Variants in FHIT observed in about 807,000 individuals in gnomAD.
FHIT encodes bis(5'-adenosyl)-triphosphatase.
In FHIT, 19 loss-of-function variants were observed where a neutral mutation model predicts 17.9. That is an observed-to-expected ratio of 1.06 (90% confidence interval 0.74 to 1.56). FHIT has a LOEUF of 1.56. Among genes scored for constraint, FHIT ranks in the 40% most tolerant of loss-of-function variants. FHIT has a pLI of 0.00. For synonymous variants in FHIT, 81 were observed against 69.7 expected (o/e 1.16, Z -0.81); for missense variants, 248 against 189.2 (o/e 1.31, Z -1.82).
chr3:60,907,263 T>A (rs1169618937), intron 3 of FHIT, among the ~76,000 whole-genome samples: 1 of 152,166 alleles, frequency 6.6e-6, no homozygotes, highest in Non-Finnish European at 1.5e-5. Context: ...GCAGGCAACA[T>A]TACCTAGATA....
intron 3 of FHIT, among the ~76,000 whole-genome samples, chr3:60,979,883 A>C (rs1288662185): frequency 6.6e-6 from 1 of 152,178 alleles, no homozygotes; most frequent in Non-Finnish European, 1.5e-5. Context: ...TTGTCAGCTC[A>C]TCTGTCTTAT....
intron 5 of FHIT, among the ~76,000 whole-genome samples, chr3:60,399,466 G>T (rs1388643954): frequency 1.3e-5 from 2 of 152,102 alleles, no homozygotes; most frequent in African/African-American, 4.8e-5. Context: ...GAAGCGGACT[G>T]CAATCTGATC....
chr3:60,016,721 T>G (rs1163996999), intron 5 of FHIT, among the ~76,000 whole-genome samples: 1 of 152,108 alleles, frequency 6.6e-6, no homozygotes, highest in African/African-American at 2.4e-5. Context: ...TAGATAAACT[T>G]TTCCATCTCA....
At chr3:60,715,162 C>T (rs1414954461) in intron 4 of FHIT, among the ~76,000 whole-genome samples, 1 of 151,974 alleles carries the variant, frequency 6.6e-6, no homozygotes, top group East Asian at 1.9e-4. Flanking sequence ...TTTGACAAAC[C>T]TGACAAAAAC....
intron 5 of FHIT, among the ~76,000 whole-genome samples, chr3:60,191,164 C>T (rs1413428792): frequency 6.6e-6 from 1 of 152,044 alleles, no homozygotes; most frequent in African/African-American, 2.4e-5. Context: ...CAGCAATGAT[C>T]AAGAAAACAG....
At chr3:61,149,644 C>T (rs1332183419) in intron 2 of FHIT, among the ~76,000 whole-genome samples, 3 of 152,034 alleles carry the variant, frequency 2.0e-5, no homozygotes, top group African/African-American at 7.2e-5. Context: ...TTGGGAGGCA[C>T]AGATGGGAGG....
At chr3:61,126,349 G>A (rs2036607431) in intron 2 of FHIT, among the ~76,000 whole-genome samples, 1 of 152,122 alleles carries the variant, frequency 6.6e-6, no homozygotes, top group African/African-American at 2.4e-5. Flanking sequence ...ATAAATAAAT[G>A]CCTGACACTG....
At position 61,206,924 on chromosome 3, in the gene FHIT, T is replaced by G. The variant is rs1180390306; in HGVS notation, c.-212-6259A>C. Among the ~76,000 whole-genome samples the G allele has an allele frequency of 2.6e-5, 4 of 152,326 alleles. No individual in the cohort carries two copies. In the East Asian group the frequency reaches 7.7e-4, roughly 29 times the overall value. ...TTTTCAAAGGGAATGCCTCTAGTTT[T>G]TGTCCATTCAGTATGATATTGGCTG... On this transcript the variant is annotated intron_variant, in intron 1 of 9. Transcript: ENST00000492590.
At chr3:61,172,890 T>A (rs1248082830) in intron 2 of FHIT, among the ~76,000 whole-genome samples, 1 of 152,158 alleles carries the variant, frequency 6.6e-6, no homozygotes, top group East Asian at 1.9e-4. Context: ...TTTTCCTTAG[T>A]CAGGGGTCAG....
At chr3:60,947,145 A>G (rs1553775936) in intron 3 of FHIT, among the ~76,000 whole-genome samples, 2 of 152,178 alleles carry the variant, frequency 1.3e-5, no homozygotes, top group African/African-American at 4.8e-5. Flanking sequence ...TGTAGCAGGA[A>G]GAGGTGAGGA....
intron 8 of FHIT, among the ~76,000 whole-genome samples, chr3:59,797,355 T>A (rs1261738001): frequency 6.6e-6 from 1 of 152,040 alleles, no homozygotes; most frequent in Non-Finnish European, 1.5e-5. Flanking sequence ...CCTGGCTAAT[T>A]TTTGTATTTT....
At chr3:59,771,152 A>G (rs1645974807) in intron 8 of FHIT, among the ~76,000 whole-genome samples, 1 of 152,202 alleles carries the variant, frequency 6.6e-6, no homozygotes, top group African/African-American at 2.4e-5. Context: ...TAATGGACCA[A>G]AAATACCACT....
chr3:60,116,333 G>A (rs1022445), intron 5 of FHIT, among the ~76,000 whole-genome samples: 13,632 of 152,158 alleles, frequency 0.09, 1,276 homozygotes, highest in East Asian at 0.43. Context: ...ATATGAAAAA[G>A]CTGGAGCCCC....
chr3:61,226,089 T>C (rs527960692), intron 1 of FHIT, among the ~76,000 whole-genome samples: 1 of 152,352 alleles, frequency 6.6e-6, no homozygotes, highest in Non-Finnish European at 1.5e-5. Flanking sequence ...TGATCTGGAA[T>C]ACTAAAACAG....
chr3:60,578,611 C>T (rs1553658514), intron 4 of FHIT, among the ~76,000 whole-genome samples: 1 of 152,048 alleles, frequency 6.6e-6, no homozygotes, highest in African/African-American at 2.4e-5. Context: ...TCATATGTGG[C>T]ACAAGGTTTT....
At chr3:60,644,776 G>T (rs531416075) in intron 4 of FHIT, among the ~76,000 whole-genome samples, 1 of 152,270 alleles carries the variant, frequency 6.6e-6, no homozygotes, top group East Asian at 1.9e-4. Flanking sequence ...CTTTTGTATG[G>T]AATCTTTCCC....
chr3:60,354,185 TAA>T (rs1699546694), intron 5 of FHIT, among the ~76,000 whole-genome samples: 1 of 151,946 alleles, frequency 6.6e-6, no homozygotes, highest in African/African-American at 2.4e-5. Flanking sequence ...CAAAATTGTT[TAA>T]AATACAATTA....
chr3:61,182,170 A>G (rs958165256), intron 2 of FHIT, among the ~76,000 whole-genome samples: 3 of 152,242 alleles, frequency 2.0e-5, no homozygotes, highest in Non-Finnish European at 4.4e-5. Context: ...GCAGGTGGCC[A>G]TCTCTGAAGA....
intron 4 of FHIT, among the ~76,000 whole-genome samples, chr3:60,744,263 C>CAAACAAAAAAAAAAAAAAAAAAA (rs2042303487): frequency 1.2e-5 from 1 of 85,986 alleles, no homozygotes; most frequent in East Asian, 2.7e-4. Flanking sequence ...AAAAACAAAA[C>CAAACAAAAAAAAAAAAAAAAAAA]AAAACAAAAA....
Sources: gnomAD v4.1 joint callset for allele counts (sites outside exome capture counted in the v4.1 genomes callset) on GRCh38, gnomAD v4.1.1 for gene constraint, MANE v1.5 for transcripts, NCBI Gene and HGNC (gene_info 2026-07-23, HGNC 2026-07-21) for gene names.